The following RGS6 variants were observed in gnomAD, a reference collection of about 807,000 sequenced individuals.
RGS6 encodes the protein regulator of G protein signaling 6.
Under a neutral mutation model 78.5 loss-of-function variants are expected in RGS6, and 30 were observed. That is an observed-to-expected ratio of 0.38 (90% CI 0.29 to 0.52). The LOEUF (loss-of-function observed/expected upper bound fraction) is 0.52. Ranked by LOEUF, RGS6 falls within the 20% of genes least tolerant of loss-of-function variation. The pLI is 0.85. For missense variants in RGS6, 495 were observed against 609.7 expected (o/e 0.81, Z 1.98); for synonymous variants, 206 against 206.0 (o/e 1.00, Z 0.00).
intron 2 of RGS6, among the ~76,000 whole-genome samples, chr14:71,985,239 T>A (rs1323379736): frequency 1.3e-5 from 2 of 152,200 alleles, no homozygotes; most frequent in Non-Finnish European, 2.9e-5. Context: ...TTCTCCTGCC[T>A]CAGCCTCCCG....
rs540101349 is a variant in RGS6 at position 72,317,126 on chromosome 14, C to T, written c.85-34969C>T. ...TGTGACCTTGAGCTCATTAGTTAGC[C>T]TTGCACACATTTCCTCATATATGAT... is the stretch of plus-strand genomic sequence containing the variant. On this transcript the variant is annotated intron_variant, in intron 2 of 17. Transcript: ENST00000553525. Among the ~76,000 whole-genome samples, 236 of 152,100 alleles carry T rather than the reference C, an allele frequency of 1.6e-3. 3 individuals are homozygous for T. Among genetic ancestry groups the T allele is most frequent in the African/African-American group, 5.4e-3 (224 of 41,474 alleles).
the RGS6 span, among the ~76,000 whole-genome samples, chr14:71,894,089 C>A: frequency 6.6e-6 from 1 of 152,130 alleles, no homozygotes; most frequent in Non-Finnish European, 1.5e-5. Flanking sequence ...TTTTAGGATT[C>A]ATCTTAGTTG....
At chr14:72,503,987 C>G (rs964066314) in intron 13 of RGS6, among the ~76,000 whole-genome samples, 15 of 152,336 alleles carry the variant, frequency 9.8e-5, no homozygotes, top group African/African-American at 3.6e-4. Context: ...GACCCCATCC[C>G]AAGTCACTGG....
intron 8 of RGS6, among the ~76,000 whole-genome samples, chr14:72,471,010 C>T (rs1305495820): frequency 6.6e-6 from 1 of 152,176 alleles, no homozygotes; most frequent in Non-Finnish European, 1.5e-5. Flanking sequence ...CTCCACCCCA[C>T]CCCACCAGGG....
chr14:72,005,273 A>G (rs1431468320), intron 2 of RGS6, among the ~76,000 whole-genome samples: 1 of 152,198 alleles, frequency 6.6e-6, no homozygotes, highest in Non-Finnish European at 1.5e-5. Context: ...TTTCCCCCTG[A>G]GTATAAGAAT....
At chr14:72,612,028 G>A in the RGS6 span, among the ~76,000 whole-genome samples, 1 of 152,134 alleles carries the variant, frequency 6.6e-6, no homozygotes, top group African/African-American at 2.4e-5. Flanking sequence ...CTAGAGCATT[G>A]CCTCGCACAC....
intron 3 of RGS6, among the ~76,000 whole-genome samples, chr14:72,382,803 G>A (rs2086551208): frequency 6.6e-6 from 1 of 152,166 alleles, no homozygotes; most frequent in South Asian, 2.1e-4. Flanking sequence ...CAATATTCCT[G>A]AGAATAAGCA....
At chr14:72,011,098 T>G (rs2085595507) in intron 2 of RGS6, among the ~76,000 whole-genome samples, 1 of 152,258 alleles carries the variant, frequency 6.6e-6, no homozygotes, top group African/African-American at 2.4e-5. Flanking sequence ...TGTTGTAATT[T>G]TGTCCTTTGA....
At chr14:72,349,308 A>G (rs2078676953) in intron 2 of RGS6, among the ~76,000 whole-genome samples, 3 of 152,192 alleles carry the variant, frequency 2.0e-5, no homozygotes, top group Admixed American at 6.6e-5. Context: ...AATAACAACT[A>G]TTCTGAGGCG....
At position 72,493,127 on chromosome 14, in the gene RGS6, GTTTCAGTACC is replaced by G. The variant is rs1341610619; in HGVS notation, c.855-2023_855-2014del. On this transcript the variant is annotated intron_variant, in intron 12 of 17. Transcript: ENST00000553525. Reference sequence around the variant, plus strand: ...ACACGCCCACTGAGCCGCCAAGCAGGTTTCAGTACCTCAGTCTTAAGTACAAATGGATGTC... The same window carrying G: ...ACACGCCCACTGAGCCGCCAAGCAGGTCAGTCTTAAGTACAAATGGATGTC... Among the ~76,000 whole-genome samples the G allele has an allele frequency of 6.6e-5, 10 of 152,200 alleles. No homozygotes were observed. The East Asian group carries it at 9.6e-4, about 15-fold the overall frequency.
At chr14:72,503,424 A>G (rs7160205) in intron 13 of RGS6, among the ~76,000 whole-genome samples, 357 of 152,328 alleles carry the variant, frequency 2.3e-3, no homozygotes, top group African/African-American at 6.8e-3. Flanking sequence ...TTATCTGAAT[A>G]TCATCTAAAT....
intron 2 of RGS6, among the ~76,000 whole-genome samples, chr14:72,051,339 A>G (rs2093227125): frequency 6.6e-6 from 1 of 152,176 alleles, no homozygotes; most frequent in South Asian, 2.1e-4. Flanking sequence ...AGTGGACAAA[A>G]GGTGATATTT....
intron 2 of RGS6, among the ~76,000 whole-genome samples, chr14:72,083,376 G>A (rs1016748467): frequency 6.6e-6 from 1 of 152,154 alleles, no homozygotes; most frequent in African/African-American, 2.4e-5. Context: ...ACACTGCTAA[G>A]CCTTCTACAG....
intron 2 of RGS6, among the ~76,000 whole-genome samples, chr14:72,212,139 G>T (rs1474581260): frequency 4.6e-5 from 7 of 152,290 alleles, no homozygotes; most frequent in African/African-American, 1.7e-4. Flanking sequence ...AATAAAATTA[G>T]AATAGCTGTG....
chr14:72,510,077 T>C, intron 13 of RGS6, 77 bp from the exon 14 acceptor site: 2 of 1,468,432 alleles, frequency 1.4e-6, no homozygotes, highest in Non-Finnish European at 1.8e-6. Flanking sequence ...AAAACAGACT[T>C]GAGTCACTGA....
At chr14:71,895,759 T>G in the RGS6 span, among the ~76,000 whole-genome samples, 2 of 152,086 alleles carry the variant, frequency 1.3e-5, no homozygotes, top group African/African-American at 4.8e-5. Context: ...CCATTAGTAT[T>G]CCTTGGCCTG....
At chr14:72,415,227 G>A (rs1357735121) in intron 3 of RGS6, among the ~76,000 whole-genome samples, 1 of 152,228 alleles carries the variant, frequency 6.6e-6, no homozygotes, top group African/African-American at 2.4e-5. Flanking sequence ...ACCTCCTAAA[G>A]CCTGGGCAAT....
At chr14:72,145,945 A>T (rs2096601543) in intron 2 of RGS6, among the ~76,000 whole-genome samples, 1 of 152,194 alleles carries the variant, frequency 6.6e-6, no homozygotes, top group African/African-American at 2.4e-5. Flanking sequence ...TTGGGAAGGG[A>T]TGGTGTCTTA....
At chr14:71,909,009 C>T in the RGS6 span, among the ~76,000 whole-genome samples, 2 of 152,162 alleles carry the variant, frequency 1.3e-5, no homozygotes, top group African/African-American at 2.4e-5. Context: ...GCTCACTTTA[C>T]TTAAGTAAAG....
Sources: gnomAD v4.1 joint callset for allele counts (sites outside exome capture counted in the v4.1 genomes callset) on GRCh38, gnomAD v4.1.1 for gene constraint, MANE v1.5 for transcripts, NCBI Gene and HGNC (gene_info 2026-07-23, HGNC 2026-07-21) for gene names.